Variants in RAD51B observed in about 807,000 individuals in gnomAD.
The protein encoded by RAD51B is DNA repair protein RAD51 homolog 2.
RAD51B carries 38 observed loss-of-function variants against 42.2 expected under a neutral mutation model. That is an observed-to-expected ratio of 0.90 (90% CI 0.70 to 1.18). The LOEUF (loss-of-function observed/expected upper bound fraction) is 1.18, where lower values mean the gene tolerates loss of function less well. RAD51B is among the 50% of genes most tolerant of loss of function. RAD51B has a pLI of 0.00. For synonymous variants in RAD51B, 154 were observed against 145.2 expected, an observed-to-expected ratio of 1.06 and a Z score of -0.43; for missense variants, 373 against 400.7, an observed-to-expected ratio of 0.93 and a Z score of 0.59.
chr14:67,876,320 G>A (rs2042726054), intron 5 of RAD51B, among the ~76,000 whole-genome samples: 1 of 152,128 alleles, frequency 6.6e-6, no homozygotes, highest in Non-Finnish European at 1.5e-5. Context: ...TTAAGCGTAT[G>A]TTTTATTTCA....
At chr14:67,968,458 A>T (rs1197822227) in intron 7 of RAD51B, among the ~76,000 whole-genome samples, 1 of 152,174 alleles carries the variant, frequency 6.6e-6, no homozygotes, top group Non-Finnish European at 1.5e-5. Context: ...AATGCTTTTA[A>T]CAGCACCCAA....
intron 9 of RAD51B, among the ~76,000 whole-genome samples, chr14:68,427,930 T>G (rs979894123): frequency 6.6e-6 from 1 of 152,246 alleles, no homozygotes; most frequent in Non-Finnish European, 1.5e-5. Flanking sequence ...AGAATTGATT[T>G]AGGCCATAAG....
In RAD51B at chr14:68,477,905, C is replaced by T. The variant is rs770270406; in HGVS notation, c.*241C>T. 1.2e-4 allele frequency: 159 copies of T among 1,296,690 alleles called. No individual in the cohort carries two copies. Among genetic ancestry groups the T allele is most frequent in the Non-Finnish European group, 1.4e-4 (139 of 1,022,518 alleles). The allele number at this position is 1,296,690 out of a possible 1,614,324, so 80.3% of individuals were successfully genotyped here. A position where few individuals can be genotyped will look rare whatever the true frequency, so the allele number is the denominator to read the frequency against. Reference sequence around the variant, plus strand: ...AGATGTGTAGGGCTGAGGGCTTTGCCGCCATGGGATGTCAACAGCCATAAT... The same window carrying T: ...AGATGTGTAGGGCTGAGGGCTTTGCTGCCATGGGATGTCAACAGCCATAAT... On this transcript the variant is annotated 3_prime_UTR_variant, in exon 11 of 11. Coordinates refer to ENST00000471583, the MANE Select transcript of RAD51B (RefSeq NM_133510.4).
exon 11 of RAD51B, chr14:68,594,838 C>A (rs1890922924): frequency 1.7e-6 from 2 of 1,193,946 alleles, no homozygotes; most frequent in Admixed American, 3.6e-5. Flanking sequence ...TCAGGTGCCC[C>A]TCCCCAGACC....
chr14:68,442,046 C>G (rs2085309998), intron 9 of RAD51B, among the ~76,000 whole-genome samples: 2 of 152,164 alleles, frequency 1.3e-5, no homozygotes, highest in Admixed American at 1.3e-4. Flanking sequence ...CAGACTAAAT[C>G]AGCAGCTTTG....
chr14:68,262,847 A>G (rs2080916283), intron 7 of RAD51B, among the ~76,000 whole-genome samples: 2 of 152,154 alleles, frequency 1.3e-5, no homozygotes, highest in Non-Finnish European at 2.9e-5. Flanking sequence ...ATTAAATTAT[A>G]TCCCCTTTTT....
chr14:68,459,828 T>G (rs2085798629), intron 9 of RAD51B, among the ~76,000 whole-genome samples: 1 of 152,190 alleles, frequency 6.6e-6, no homozygotes, highest in Non-Finnish European at 1.5e-5. Context: ...CCACCTGTCC[T>G]TACAGGAAGA....
intron 8 of RAD51B, among the ~76,000 whole-genome samples, chr14:68,304,627 A>G (rs547278054): frequency 1.3e-5 from 2 of 152,346 alleles, no homozygotes; most frequent in South Asian, 4.1e-4. Flanking sequence ...TTTTAACAGA[A>G]GCTGAAGCAC....
intron 9 of RAD51B, among the ~76,000 whole-genome samples, chr14:68,447,631 G>C (rs144104094): frequency 0.02 from 3,024 of 151,722 alleles, 97 homozygotes; most frequent in African/African-American, 0.069. Context: ...GGCTTATAAG[G>C]CTCTTTGAAA....
chr14:68,104,495 G>A (rs1261937215), intron 7 of RAD51B, among the ~76,000 whole-genome samples: 3 of 152,114 alleles, frequency 2.0e-5, no homozygotes, highest in South Asian at 4.2e-4. Context: ...TAGACCTAGG[G>A]TGACATGGTG....
At chr14:68,002,492 A>G (rs2075504168) in intron 7 of RAD51B, among the ~76,000 whole-genome samples, 2 of 152,148 alleles carry the variant, frequency 1.3e-5, no homozygotes, top group Non-Finnish European at 2.9e-5. Context: ...AACTATAATC[A>G]GCTTGATGAT....
intron 7 of RAD51B, among the ~76,000 whole-genome samples, chr14:68,186,331 G>A (rs922722726): frequency 6.6e-6 from 1 of 152,130 alleles, no homozygotes; most frequent in Non-Finnish European, 1.5e-5. Flanking sequence ...AGTCCTCAAA[G>A]CAATTGGAAC....
chr14:67,887,238 CTTTCTTTTG>C (rs2043087837), intron 7 of RAD51B, 34 bp downstream of exon 7: 1 of 1,518,906 alleles, frequency 6.6e-7, no homozygotes, highest in Admixed American at 1.8e-5. Flanking sequence ...TTTTCTTTTC[CTTTCTTTTG>C]TTTCTTTTAT....
At chr14:67,997,602 A>G (rs1204568041) in intron 7 of RAD51B, among the ~76,000 whole-genome samples, 1 of 151,954 alleles carries the variant, frequency 6.6e-6, no homozygotes. Flanking sequence ...TTTTCTTTCT[A>G]TTTATGCTGT....
At chr14:68,415,031 CAAAAAAAAAA>C (rs71129885) in intron 9 of RAD51B, among the ~76,000 whole-genome samples, 21 of 32,514 alleles carry the variant, frequency 6.5e-4, no homozygotes, top group South Asian at 2.6e-3. Flanking sequence ...GACTCTGTCT[CAAAAAAAAAA>C]AAAAAAAAAA....
chr14:68,275,794 C>CCACACACACACACACACACACACA (rs10641411), intron 7 of RAD51B, among the ~76,000 whole-genome samples: 1 of 141,268 alleles, frequency 7.1e-6, no homozygotes, highest in African/African-American at 2.7e-5. Context: ...AACTAGCTCT[C>CCACACACACACACACACACACACA]CACACACACA....
intron 7 of RAD51B, among the ~76,000 whole-genome samples, chr14:67,919,695 T>C (rs978398949): frequency 9.2e-5 from 14 of 152,228 alleles, no homozygotes; most frequent in Admixed American, 6.5e-4. Context: ...CCGTACACGT[T>C]AATAAACCTA....
intron 10 of RAD51B, among the ~76,000 whole-genome samples, chr14:68,489,840 A>G (rs528570615): frequency 6.6e-6 from 1 of 152,306 alleles, no homozygotes; most frequent in African/African-American, 2.4e-5. Context: ...ATAAATTTCA[A>G]CATTCAGAAA....
intron 7 of RAD51B, among the ~76,000 whole-genome samples, chr14:68,285,756 C>A (rs1261968854): frequency 1.3e-5 from 2 of 152,136 alleles, no homozygotes; most frequent in Non-Finnish European, 2.9e-5. Flanking sequence ...CGTGAATCCT[C>A]TAGCCCAGCC....
Sources: gnomAD v4.1 joint callset for allele counts (sites outside exome capture counted in the v4.1 genomes callset) on GRCh38, gnomAD v4.1.1 for gene constraint, MANE v1.5 for transcripts, NCBI Gene and HGNC (gene_info 2026-07-23, HGNC 2026-07-21) for gene names.